NELL1: variants seen among roughly 807,000 people sequenced by gnomAD.
NELL1 encodes neural EGFL like 1, also known as protein kinase C-binding protein NELL1.
In NELL1, 76 loss-of-function variants were observed where a neutral mutation model predicts 107.4. That is an observed-to-expected ratio of 0.71 (90% CI 0.59 to 0.86). The LOEUF (loss-of-function observed/expected upper bound fraction) is 0.86, where lower values mean the gene tolerates loss of function less well. NELL1 is among the 40% of genes least tolerant of loss of function. The pLI is 0.00. For missense variants in NELL1, 1,024 were observed against 1,005.5 expected (o/e 1.02, Z -0.25); for synonymous variants, 353 against 341.2 (o/e 1.03, Z -0.38).
intron 15 of NELL1, among the ~76,000 whole-genome samples, chr11:21,476,030 C>T (rs1360461045): frequency 6.6e-6 from 1 of 152,124 alleles, no homozygotes; most frequent in African/African-American, 2.4e-5. Context: ...CTGAGTTGTA[C>T]ATGTACAGTT....
intron 5 of NELL1, among the ~76,000 whole-genome samples, chr11:20,915,240 T>A (rs1485492963): frequency 2.6e-5 from 4 of 152,014 alleles, no homozygotes; most frequent in African/African-American, 9.7e-5. Flanking sequence ...GAACTTTTAA[T>A]GAGTAAATGC....
intron 2 of NELL1, among the ~76,000 whole-genome samples, chr11:20,760,876 T>A (rs1300837775): frequency 6.6e-6 from 1 of 152,214 alleles, no homozygotes; most frequent in Non-Finnish European, 1.5e-5. Flanking sequence ...TTCCCAGGTC[T>A]CACTTGGCCC....
chr11:20,943,317 C>T (rs529940697), intron 10 of NELL1, among the ~76,000 whole-genome samples: 17 of 152,042 alleles, frequency 1.1e-4, no homozygotes, highest in African/African-American at 3.1e-4. Context: ...ATATTTATCT[C>T]GGCCGGGCAT....
intron 12 of NELL1, among the ~76,000 whole-genome samples, chr11:20,974,403 G>A (rs527847873): frequency 3.3e-5 from 5 of 152,054 alleles, no homozygotes; most frequent in African/African-American, 4.8e-5. Context: ...TCTCAGGCCC[G>A]TCTGACATCA....
intron 11 of NELL1, among the ~76,000 whole-genome samples, chr11:20,958,706 T>C (rs893888699): frequency 6.6e-6 from 1 of 152,146 alleles, no homozygotes; most frequent in Non-Finnish European, 1.5e-5. Flanking sequence ...AAGGCTATAT[T>C]AGGAAGAAAA....
At chr11:21,368,898 A>C (rs2133750304) in intron 14 of NELL1, among the ~76,000 whole-genome samples, 1 of 152,204 alleles carries the variant, frequency 6.6e-6, no homozygotes, top group South Asian at 2.1e-4. Context: ...TTCTTTGTAA[A>C]TGTTAACTTA....
chr11:20,943,613 A>G (rs1000283726), intron 10 of NELL1, among the ~76,000 whole-genome samples: 1 of 152,046 alleles, frequency 6.6e-6, no homozygotes, highest in African/African-American at 2.4e-5. Context: ...AAAAAACCAT[A>G]TTTATCTCAC....
At chr11:21,011,703 C>T (rs188219969) in intron 12 of NELL1, among the ~76,000 whole-genome samples, 1 of 152,262 alleles carries the variant, frequency 6.6e-6, no homozygotes, top group East Asian at 1.9e-4. Flanking sequence ...TTTGTGCCTA[C>T]TGCACATGCA....
chr11:20,736,944 G>A (rs964013163), intron 2 of NELL1, among the ~76,000 whole-genome samples: 10 of 151,692 alleles, frequency 6.6e-5, no homozygotes, highest in Admixed American at 2.0e-4. Context: ...TTATAGATAC[G>A]GGGTTTCACC....
At chr11:21,401,259 AATAT>A (rs1483469482) in intron 15 of NELL1, among the ~76,000 whole-genome samples, 2 of 151,866 alleles carry the variant, frequency 1.3e-5, no homozygotes, top group East Asian at 3.9e-4. Flanking sequence ...TGGGAAGAAA[AATAT>A]ATATCTTGGT....
At chr11:20,867,375 A>C (rs1160719092) in intron 4 of NELL1, among the ~76,000 whole-genome samples, 1 of 152,240 alleles carries the variant, frequency 6.6e-6, no homozygotes, top group Non-Finnish European at 1.5e-5. Context: ...CATAGTAAGC[A>C]GTCAGCAAAT....
chr11:21,453,579 A>G (rs1299250246), intron 15 of NELL1, among the ~76,000 whole-genome samples: 2 of 150,950 alleles, frequency 1.3e-5, no homozygotes, highest in East Asian at 1.9e-4. Flanking sequence ...CTTTTATTCC[A>G]TCTCACAATC....
At chr11:20,711,661 A>G (rs756609217) in intron 2 of NELL1, among the ~76,000 whole-genome samples, 4 of 152,110 alleles carry the variant, frequency 2.6e-5, no homozygotes, top group African/African-American at 9.7e-5. Context: ...TTTGCTGGAA[A>G]ATTCTTGGCT....
chr11:20,800,215 T>C (rs531542269), intron 3 of NELL1, among the ~76,000 whole-genome samples: 16 of 152,212 alleles, frequency 1.1e-4, no homozygotes, highest in Non-Finnish European at 1.9e-4. Context: ...TTCCTTTGAA[T>C]GCTAGTGGGA....
intron 9 of NELL1, among the ~76,000 whole-genome samples, chr11:20,932,304 G>A (rs1405228453): frequency 6.6e-6 from 1 of 152,056 alleles, no homozygotes; most frequent in Non-Finnish European, 1.5e-5. Flanking sequence ...GAGATAGGAA[G>A]GAGGGAGGAA....
At chr11:20,837,539 AG>A (rs1156634856) in intron 3 of NELL1, among the ~76,000 whole-genome samples, 2 of 152,198 alleles carry the variant, frequency 1.3e-5, no homozygotes, top group Non-Finnish European at 2.9e-5. Flanking sequence ...ACCATTCTCC[AG>A]TAGAAGGAAC....
chr11:21,425,288 C>CA (rs5790185), intron 15 of NELL1, among the ~76,000 whole-genome samples: 51,394 of 150,336 alleles, frequency 0.34, 9,040 homozygotes, highest in South Asian at 0.47. Flanking sequence ...TGTGAATAGC[C>CA]AAAAAAAAAT....
chr11:20,792,743 A>G (rs542992430), intron 3 of NELL1, among the ~76,000 whole-genome samples: 2 of 152,120 alleles, frequency 1.3e-5, no homozygotes, highest in South Asian at 4.1e-4. Context: ...GGATCTTTGT[A>G]TCATTAAATA....
At chr11:20,914,478 C>T (rs1385463344) in intron 5 of NELL1, among the ~76,000 whole-genome samples, 1 of 152,030 alleles carries the variant, frequency 6.6e-6, no homozygotes, top group Non-Finnish European at 1.5e-5. Context: ...GGAGAAGAAG[C>T]TTTTATCATG....
Sources: gnomAD v4.1 joint callset for allele counts (sites outside exome capture counted in the v4.1 genomes callset) on GRCh38, gnomAD v4.1.1 for gene constraint, MANE v1.5 for transcripts, NCBI Gene and HGNC (gene_info 2026-07-23, HGNC 2026-07-21) for gene names.